Variants in PMM2 observed in about 807,000 individuals in gnomAD.
The protein encoded by PMM2 is mannose-6-phosphate isomerase.
A neutral mutation model predicts 33.2 loss-of-function variants in PMM2; 35 were observed. The ratio of observed to expected loss-of-function variants is 1.06; its 90% CI spans 0.81 to 1.40. The LOEUF is 1.40. Ranked by LOEUF, PMM2 falls within the 40% of genes most tolerant of loss-of-function variation. The pLI, the probability that PMM2 is intolerant of heterozygous loss-of-function variation, is 0.00. For missense variants in PMM2, 386 were observed against 306.0 expected, an observed-to-expected ratio of 1.26 and a Z score of -1.95; for synonymous variants, 153 against 114.7, an observed-to-expected ratio of 1.33 and a Z score of -2.13.
At chr16:8,837,573 G>A (rs534490303) in intron 7 of PMM2, among the ~76,000 whole-genome samples, 1 of 151,806 alleles carries the variant, frequency 6.6e-6, no homozygotes, top group Non-Finnish European at 1.5e-5. Flanking sequence ...GTTGGGGCAC[G>A]GAAATAAGGG....
intron 5 of PMM2, 74 bp downstream of exon 5, chr16:8,811,252 A>C: frequency 3.9e-6 from 4 of 1,017,870 alleles, no homozygotes; most frequent in Non-Finnish European, 6.0e-6. Context: ...GTGGTGGTTC[A>C]TGCCTGTAAT....
chr16:8,839,487 G>T (rs372480802), intron 7 of PMM2, among the ~76,000 whole-genome samples: 1 of 152,002 alleles, frequency 6.6e-6, no homozygotes, highest in African/African-American at 2.4e-5. Context: ...AGAAAACGTT[G>T]AGTATCTACA....
At position 8,847,826 on chromosome 16, in the gene PMM2, C is replaced by A. The variant is rs370860106; in HGVS notation, c.*1C>A. 9 of 1,609,352 alleles carry A rather than the reference C, an allele frequency of 5.6e-6. No homozygotes were observed. Among genetic ancestry groups the A allele is most frequent in the South Asian group, 1.1e-5 (1 of 90,982 alleles). On this transcript the variant is annotated 3_prime_UTR_variant, in exon 8 of 8. Coordinates refer to ENST00000268261, the MANE Select transcript of PMM2 (RefSeq NM_000303.3). Reference sequence around the variant, plus strand: ...GATCTGTGAACTGCTGTTCTCCTAACGTGGGAGCGGGAGGGGCGGGGTCCC... The same window carrying A: ...GATCTGTGAACTGCTGTTCTCCTAAAGTGGGAGCGGGAGGGGCGGGGTCCC...
intron 3 of PMM2, among the ~76,000 whole-genome samples, chr16:8,805,491 C>T (rs1198610799): frequency 6.6e-6 from 1 of 152,182 alleles, no homozygotes; most frequent in African/African-American, 2.4e-5. Flanking sequence ...TCCCACGTAG[C>T]AGGGACTACA....
chr16:8,831,621 C>T (rs1001986479), intron 7 of PMM2, among the ~76,000 whole-genome samples: 6 of 152,232 alleles, frequency 3.9e-5, no homozygotes, highest in African/African-American at 1.4e-4. Context: ...CCACTGCTAC[C>T]AGCGAAGCAG....
chr16:8,839,860 C>T (rs1426402491), intron 7 of PMM2, among the ~76,000 whole-genome samples: 1 of 112,542 alleles, frequency 8.9e-6, no homozygotes, highest in Non-Finnish European at 1.8e-5. Context: ...GTGAGAGGTC[C>T]GAATATGGGG....
At chr16:8,832,965 C>CCCCGACCACACCACAGTCT in intron 7 of PMM2, 1 of 962,504 alleles carries the variant, frequency 1.0e-6, no homozygotes, top group Admixed American at 6.2e-5. Context: ...TGACTGGTCT[C>CCCCGACCACACCACAGTCT]CCCAGGGCAG....
chr16:8,821,873 C>G (rs2060741224), intron 7 of PMM2, among the ~76,000 whole-genome samples: 1 of 152,218 alleles, frequency 6.6e-6, no homozygotes, highest in South Asian at 2.1e-4. Flanking sequence ...TTAAGGCATC[C>G]CCAGGGACTC....
intron 7 of PMM2, among the ~76,000 whole-genome samples, chr16:8,846,350 T>G (rs1438307341): frequency 1.3e-5 from 2 of 152,230 alleles, no homozygotes; most frequent in Admixed American, 6.5e-5. Flanking sequence ...GAAAAATCCC[T>G]TTTTTCTACG....
At chr16:8,845,634 AGTG>A (rs1329963662) in intron 7 of PMM2, among the ~76,000 whole-genome samples, 11 of 151,504 alleles carry the variant, frequency 7.3e-5, no homozygotes, top group Non-Finnish European at 1.2e-4. Context: ...GCTGAAGTAC[AGTG>A]GTCTGTTCTT....
intron 3 of PMM2, 96 bp downstream of exon 3, chr16:8,804,939 T>C: frequency 1.3e-6 from 1 of 781,074 alleles, no homozygotes; most frequent in Non-Finnish European, 2.3e-6. Context: ...GAGGAACGGG[T>C]AGAAATGAAT....
chr16:8,840,838 C>G (rs866641782), intron 7 of PMM2, among the ~76,000 whole-genome samples: 1 of 151,942 alleles, frequency 6.6e-6, no homozygotes, highest in African/African-American at 2.4e-5. Context: ...AAGAACTGAT[C>G]GTCCAGCTAG....
At chr16:8,842,456 C>T (rs2060896663) in intron 7 of PMM2, 1 of 152,202 alleles carries the variant, frequency 6.6e-6, no homozygotes, top group African/African-American at 2.4e-5. Context: ...GTCCCTGAAA[C>T]CTTGTGGCAG....
intron 7 of PMM2, among the ~76,000 whole-genome samples, chr16:8,840,924 C>T (rs1379351569): frequency 1.3e-5 from 2 of 151,956 alleles, no homozygotes; most frequent in South Asian, 2.1e-4. Context: ...GTCTAGCCTG[C>T]TGGAGGACTG....
At chr16:8,813,485 C>G (rs780984884) in intron 7 of PMM2, among the ~76,000 whole-genome samples, 5 of 152,028 alleles carry the variant, frequency 3.3e-5, no homozygotes, top group Non-Finnish European at 5.9e-5. Context: ...GGCATTCATT[C>G]TAAGTTGAAC....
chr16:8,815,395 T>C (rs930117692), intron 7 of PMM2, among the ~76,000 whole-genome samples: 6 of 152,086 alleles, frequency 3.9e-5, no homozygotes, highest in African/African-American at 1.4e-4. Context: ...CACGCCCGGC[T>C]AATTTTTGTA....
At chr16:8,843,170 C>T (rs777278889) in intron 7 of PMM2, among the ~76,000 whole-genome samples, 1 of 152,104 alleles carries the variant, frequency 6.6e-6, no homozygotes, top group South Asian at 2.1e-4. Context: ...AGAAGCCTGG[C>T]CGTCCATACC....
At position 8,801,868 on chromosome 16, in the gene PMM2, G is replaced by A. The variant is rs143903584; in HGVS notation, c.136G>A (p.Gly46Arg). 21 of 1,611,878 alleles carry A rather than the reference G, an allele frequency of 1.3e-5. No homozygotes were observed. Among genetic ancestry groups the A allele is most frequent in the African/African-American group, 5.3e-5 (4 of 74,796 alleles). ...GAAGATCAAAATCGGAGTGGTAGGC[G>A]GATCGGACTTTGAGAAAGTGCAGGA... The part of the protein sequence containing the change: ...RQKIKIGVVG[G>R]SDFEKVQEQL... The change falls in exon 2 of 8, where the codon GGA (glycine) becomes AGA (arginine). Residue 46 changes from glycine to arginine, a missense_variant. Gly to Arg is a moderately radical substitution (Grantham distance 125). Transcript: ENST00000268261.
At chr16:8,811,746 G>T (rs1033989070) in intron 6 of PMM2, 33 bp downstream of exon 6, 26 of 1,432,624 alleles carry the variant, frequency 1.8e-5, no homozygotes, top group Non-Finnish European at 2.4e-5. Context: ...TCCAAACTTG[G>T]ATACCCATTT....
Sources: gnomAD v4.1 joint callset for allele counts (sites outside exome capture counted in the v4.1 genomes callset) on GRCh38, gnomAD v4.1.1 for gene constraint, MANE v1.5 for transcripts, NCBI Gene and HGNC (gene_info 2026-07-23, HGNC 2026-07-21) for gene names.